The following LRP1B variants were observed in gnomAD, a reference collection of about 807,000 sequenced individuals.
The protein encoded by LRP1B is LDL receptor related protein 1B.
Under a neutral mutation model 556.6 loss-of-function variants are expected in LRP1B, and 217 were observed. That is an observed-to-expected ratio of 0.39 (90% CI 0.35 to 0.44). The LOEUF (loss-of-function observed/expected upper bound fraction) is 0.44, where lower values mean the gene tolerates loss of function less well. Among genes scored for constraint, LRP1B ranks in the 20% least tolerant of loss-of-function variants. The pLI is 1.00. For missense variants in LRP1B, 5,053 were observed against 5,620.8 expected (o/e 0.90, Z 3.23); for synonymous variants, 2,047 against 1,865.8 (o/e 1.10, Z -2.50).
intron 15 of LRP1B, among the ~76,000 whole-genome samples, chr2:141,005,101 A>T (rs1043408442): frequency 1.3e-5 from 2 of 151,932 alleles, no homozygotes; most frequent in Non-Finnish European, 2.9e-5. Context: ...TACTTATTTA[A>T]TTTTTTTACT....
intron 66 of LRP1B, among the ~76,000 whole-genome samples, chr2:140,391,319 C>G (rs1684009439): frequency 6.6e-6 from 1 of 151,952 alleles, no homozygotes; most frequent in Non-Finnish European, 1.5e-5. Flanking sequence ...TATATAAAAT[C>G]CAAACACAAA....
intron 11 of LRP1B, among the ~76,000 whole-genome samples, chr2:141,046,801 G>A (rs1402927342): frequency 6.6e-6 from 1 of 152,092 alleles, no homozygotes; most frequent in Admixed American, 6.6e-5. Flanking sequence ...GTCTGTGTTG[G>A]CCAGGCATGG....
intron 4 of LRP1B, among the ~76,000 whole-genome samples, chr2:141,252,300 C>T (rs544428794): frequency 1.6e-4 from 24 of 151,402 alleles, no homozygotes; most frequent in Admixed American, 3.3e-4. Flanking sequence ...TTGACTTCTG[C>T]GAATATCCAA....
intron 7 of LRP1B, among the ~76,000 whole-genome samples, chr2:141,069,392 T>C (rs1167881465): frequency 4.6e-5 from 7 of 152,064 alleles, no homozygotes. Flanking sequence ...TTTATCCATG[T>C]CACACAGATA....
intron 7 of LRP1B, among the ~76,000 whole-genome samples, chr2:141,128,573 A>G (rs1031023327): frequency 6.6e-6 from 1 of 152,228 alleles, no homozygotes; most frequent in Non-Finnish European, 1.5e-5. Flanking sequence ...ATAAAAAACA[A>G]GTAAAGTAAA....
Position 141,192,907 on chromosome 2 carries a change from TAATA to T in LRP1B, c.851-4328_851-4325del, listed in dbSNP as rs151221696. ...TTTAAAAACTTAAATTTGCACCGAG[TAATA>T]ATTAATGAGAATGAAACATTCAGAA... On this transcript the variant is annotated intron_variant, in intron 6 of 90. Transcript: ENST00000389484. 5.6e-3 allele frequency among the ~76,000 whole-genome samples: 844 copies of T among 152,046 alleles called. 6 individuals are homozygous for T. The highest frequency in any genetic ancestry group is 0.019 in the African/African-American group (809 of 41,518).
intron 43 of LRP1B, among the ~76,000 whole-genome samples, chr2:140,553,804 C>T (rs891835417): frequency 1.3e-5 from 2 of 152,022 alleles, no homozygotes; most frequent in Admixed American, 6.6e-5. Flanking sequence ...GAGAGGTTTT[C>T]AGAAGCCTAG....
At chr2:141,410,418 T>A (rs1226692053) in intron 3 of LRP1B, among the ~76,000 whole-genome samples, 1 of 152,036 alleles carries the variant, frequency 6.6e-6, no homozygotes, top group Non-Finnish European at 1.5e-5. Flanking sequence ...TTTAAAAAGA[T>A]GATATAGGTC....
chr2:140,975,682 G>A (rs1182913480), intron 18 of LRP1B, among the ~76,000 whole-genome samples: 1 of 152,118 alleles, frequency 6.6e-6, no homozygotes, highest in Non-Finnish European at 1.5e-5. Flanking sequence ...TGAAAGCAGT[G>A]CTGGACAATA....
At chr2:140,747,677 A>G (rs1688364046) in intron 35 of LRP1B, among the ~76,000 whole-genome samples, 1 of 152,110 alleles carries the variant, frequency 6.6e-6, no homozygotes, top group African/African-American at 2.4e-5. Flanking sequence ...AAAAATAATC[A>G]GGTTGGAATA....
intron 1 of LRP1B, among the ~76,000 whole-genome samples, chr2:141,855,353 G>A (rs1698017146): frequency 6.6e-6 from 1 of 152,138 alleles, no homozygotes; most frequent in Non-Finnish European, 1.5e-5. Context: ...AAATGAAATT[G>A]AAGAGGGATG....
chr2:140,337,987 G>C (rs147450008), intron 77 of LRP1B, among the ~76,000 whole-genome samples: 2 of 151,546 alleles, frequency 1.3e-5, no homozygotes, highest in African/African-American at 4.8e-5. Context: ...AAACAGGCTG[G>C]TGAAGATTTT....
intron 22 of LRP1B, among the ~76,000 whole-genome samples, chr2:140,906,553 T>C (rs970765057): frequency 1.3e-5 from 2 of 152,110 alleles, no homozygotes; most frequent in African/African-American, 2.4e-5. Flanking sequence ...GATTACCTGA[T>C]AGATACCATT....
chr2:140,350,807 C>G lies in LRP1B; in HGVS notation c.11882G>C (p.Ser3961Thr), dbSNP rs971209071. Residue 3961 changes from serine (S) to threonine (T), a missense_variant, in exon 77 of 91, where the codon AGT becomes ACT. By Grantham distance (58) the Ser-to-Thr change is moderately conservative. Around this residue, in one of 5 missense-constraint regions of LRP1B, gnomAD observed 599 missense variants for 648.4 expected, o/e 0.92. Coordinates refer to ENST00000389484, the MANE Select transcript of LRP1B (RefSeq NM_018557.3). ...ATGGTATTTACTTACAATCAAGCCA[C>G]TGTTTGCTTGCCTTTTTTCTCTGCC... Reference protein sequence around the residue: ...IHGREKRQANSGLICPEFKRP... With the variant: ...IHGREKRQANTGLICPEFKRP... The G allele has an allele frequency of 6.2e-7, 1 of 1,610,008 alleles. No individual in the cohort carries two copies. The highest frequency in any genetic ancestry group is 8.5e-7 in the Non-Finnish European group (1 of 1,178,048).
intron 43 of LRP1B, among the ~76,000 whole-genome samples, chr2:140,550,479 GA>G (rs1289774582): frequency 6.6e-6 from 1 of 152,046 alleles, no homozygotes; most frequent in Non-Finnish European, 1.5e-5. Flanking sequence ...TAATATATTA[GA>G]ACATCCCATT....
At chr2:141,549,831 C>G (rs1466989029) in intron 2 of LRP1B, among the ~76,000 whole-genome samples, 1 of 152,090 alleles carries the variant, frequency 6.6e-6, no homozygotes, top group Non-Finnish European at 1.5e-5. Context: ...CCCATCTCTA[C>G]TAAGAATACA....
chr2:142,094,597 C>T (rs1020495185), intron 1 of LRP1B, among the ~76,000 whole-genome samples: 1 of 151,806 alleles, frequency 6.6e-6, no homozygotes, highest in African/African-American at 2.4e-5. Context: ...TAGTTAAATG[C>T]TGTAAAAACT....
At chr2:140,636,666 A>T (rs1030132349) in intron 41 of LRP1B, among the ~76,000 whole-genome samples, 1 of 152,192 alleles carries the variant, frequency 6.6e-6, no homozygotes, top group Admixed American at 6.5e-5. Flanking sequence ...ATTATAAAAT[A>T]TTCCAAAGAG....
intron 75 of LRP1B, among the ~76,000 whole-genome samples, chr2:140,354,184 C>T (rs1682104721): frequency 6.6e-6 from 1 of 152,036 alleles, no homozygotes; most frequent in Admixed American, 6.6e-5. Flanking sequence ...TCCTAATTAC[C>T]TAATAAATCT....
Sources: allele counts gnomAD v4.1 joint callset (sites outside exome capture counted in the v4.1 genomes callset), GRCh38; gene constraint gnomAD v4.1.1; regional missense constraint gnomAD v4.1.1; transcripts MANE v1.5; gene names NCBI Gene and HGNC (gene_info 2026-07-23, HGNC 2026-07-21).